The following VSIG1 variants were observed in gnomAD, a reference collection of about 807,000 sequenced individuals.
VSIG1 encodes V-set and immunoglobulin domain containing 1, also known as V-set and immunoglobulin domain-containing protein 1.
Under a neutral mutation model 20.1 loss-of-function variants are expected in VSIG1, and 11 were observed. That is an observed-to-expected ratio of 0.55 (90% CI 0.34 to 0.91). The LOEUF (loss-of-function observed/expected upper bound fraction) is 0.91. VSIG1 is among the 40% of genes least tolerant of loss of function. The pLI, the probability that VSIG1 is intolerant of heterozygous loss-of-function variation, is 0.02. For missense variants in VSIG1, 283 were observed against 298.8 expected (o/e 0.95, Z 0.39); for synonymous variants, 126 against 116.7 (o/e 1.08, Z -0.52).
chrX:108,031,568 C>T, the VSIG1 span, among the ~76,000 whole-genome samples: 1 of 111,602 alleles, frequency 9.0e-6, no homozygotes, highest in Non-Finnish European at 1.9e-5. Flanking sequence ...CCATGTGGGC[C>T]TGCTGGGGTG....
chrX:108,019,616 C>T, the VSIG1 span, among the ~76,000 whole-genome samples: 1 of 112,187 alleles, frequency 8.9e-6, no homozygotes, highest in Admixed American at 9.3e-5. Flanking sequence ...CTGTCCTTTG[C>T]ACATGAGAAT....
the VSIG1 span, among the ~76,000 whole-genome samples, chrX:108,024,174 A>T: frequency 1.8e-5 from 2 of 111,555 alleles, no homozygotes; most frequent in African/African-American, 6.5e-5. Context: ...ATTTTTTATA[A>T]TTTGTCTGTT....
chrX:108,019,055 G>T, the VSIG1 span, among the ~76,000 whole-genome samples: 1 of 112,056 alleles, frequency 8.9e-6, no homozygotes, highest in African/African-American at 3.3e-5. Flanking sequence ...AGGTGAACAG[G>T]TTCTCTAGCC....
chrX:108,023,891 G>T, the VSIG1 span, among the ~76,000 whole-genome samples: 1 of 111,716 alleles, frequency 9.0e-6, no homozygotes, highest in African/African-American at 3.3e-5. Context: ...AATAATTCTG[G>T]TGGGTTTTTG....
At chrX:108,061,103 G>A (rs778237752) in intron 2 of VSIG1, among the ~76,000 whole-genome samples, 1 of 112,577 alleles carries the variant, frequency 8.9e-6, no homozygotes, top group Non-Finnish European at 1.9e-5. Flanking sequence ...CTGACAGCCT[G>A]CTCAACCAAG....
intron 3 of VSIG1, among the ~76,000 whole-genome samples, chrX:108,068,021 G>A (rs753463451): frequency 3.6e-5 from 4 of 112,417 alleles, no homozygotes; most frequent in African/African-American, 1.3e-4. Context: ...CACATCACAA[G>A]AAAGGAGGAA....
intron 2 of VSIG1, chrX:108,061,497 G>C (rs1462344740): frequency 1.7e-6 from 2 of 1,166,677 alleles, no homozygotes; most frequent in South Asian, 1.9e-5. Context: ...AATGACGCAC[G>C]CAAGAGACGC....
chrX:108,044,245 C>T (rs775547358), upstream of VSIG1, among the ~76,000 whole-genome samples: 13 of 111,264 alleles, frequency 1.2e-4, 1 homozygote, highest in Admixed American at 1.2e-3. Context: ...TAGGTTTCTC[C>T]GGGTAACTTA....
At chrX:108,070,921 G>A (rs189050477) in intron 3 of VSIG1, among the ~76,000 whole-genome samples, 3 of 112,123 alleles carry the variant, frequency 2.7e-5, no homozygotes, top group Non-Finnish European at 5.6e-5. Context: ...GAACTGAGCG[G>A]AAGTCAATGG....
At chrX:108,064,220 C>T (rs1188278931) in intron 2 of VSIG1, among the ~76,000 whole-genome samples, 1 of 111,787 alleles carries the variant, frequency 8.9e-6, no homozygotes, top group Non-Finnish European at 1.9e-5. Context: ...CTGCTGTCTA[C>T]CCCTAGGTAC....
At chrX:108,026,806 G>C in the VSIG1 span, among the ~76,000 whole-genome samples, 1 of 111,648 alleles carries the variant, frequency 9.0e-6, no homozygotes, top group Non-Finnish European at 1.9e-5. Flanking sequence ...GGCAGATAAA[G>C]TTCTCAAGTT....
At chrX:108,053,832 T>C (rs2030838211) in intron 1 of VSIG1, among the ~76,000 whole-genome samples, 1 of 111,393 alleles carries the variant, frequency 9.0e-6, no homozygotes, top group Non-Finnish European at 1.9e-5. Context: ...TTATTAGTAG[T>C]TATCATTGTT....
intron 5 of VSIG1, 108 bp downstream of exon 5, chrX:108,073,477 G>A (rs2031293309): frequency 8.4e-6 from 8 of 955,626 alleles, no homozygotes; most frequent in Non-Finnish European, 1.2e-5. Context: ...TGCTTCTCTG[G>A]AGATTTGTGT....
chrX:108,052,142 A>G (rs1003772655), intron 1 of VSIG1, among the ~76,000 whole-genome samples: 4 of 111,868 alleles, frequency 3.6e-5, no homozygotes, highest in African/African-American at 1.3e-4. Flanking sequence ...TAGTCTACAC[A>G]TTGGGTACAG....
At chrX:108,052,670 A>G (rs1357580046) in intron 1 of VSIG1, among the ~76,000 whole-genome samples, 1 of 111,908 alleles carries the variant, frequency 8.9e-6, no homozygotes, top group Non-Finnish European at 1.9e-5. Context: ...ACGTGAGGTG[A>G]TGGATATGTT....
intron 1 of VSIG1, among the ~76,000 whole-genome samples, 200 bp from the exon 2 acceptor site, chrX:108,057,838 A>G (rs911332272): frequency 9.0e-6 from 1 of 111,396 alleles, no homozygotes; most frequent in African/African-American, 3.3e-5. Flanking sequence ...GAGTATCTTC[A>G]TATGATAATT....
the VSIG1 span, among the ~76,000 whole-genome samples, chrX:108,033,298 A>C: frequency 8.9e-6 from 1 of 112,139 alleles, no homozygotes; most frequent in Non-Finnish European, 1.9e-5. Flanking sequence ...GATCCAGGGC[A>C]GGTTTTGGGC....
At chrX:108,074,357 A>G (rs1198933800) in intron 5 of VSIG1, among the ~76,000 whole-genome samples, 1 of 111,751 alleles carries the variant, frequency 8.9e-6, no homozygotes, top group Admixed American at 9.5e-5. Context: ...TCTCAGAGGT[A>G]CAATCATACT....
chrX:108,034,704 C>T, the VSIG1 span, among the ~76,000 whole-genome samples: 1 of 112,183 alleles, frequency 8.9e-6, no homozygotes, highest in Admixed American at 9.5e-5. Flanking sequence ...GTTTTTATAA[C>T]AATCTTATAT....
Sources: allele counts gnomAD v4.1 joint callset (sites outside exome capture counted in the v4.1 genomes callset), GRCh38; gene constraint gnomAD v4.1.1; transcripts MANE v1.5; gene names NCBI Gene and HGNC (gene_info 2026-07-23, HGNC 2026-07-21).